AOPEP: variants seen among roughly 807,000 people sequenced by gnomAD.
The protein encoded by AOPEP is aminopeptidase O (putative).
In AOPEP, 77 loss-of-function variants were observed where a neutral mutation model predicts 98.1. That is an observed-to-expected ratio of 0.78 (90% CI 0.65 to 0.95). The LOEUF (loss-of-function observed/expected upper bound fraction) is 0.95. AOPEP is among the 40% of genes least tolerant of loss of function. The pLI is 0.00. For missense variants in AOPEP, 1,024 were observed against 1,024.7 expected, an observed-to-expected ratio of 1.00 and a Z score of 0.01; for synonymous variants, 346 against 365.3, an observed-to-expected ratio of 0.95 and a Z score of 0.60.
the AOPEP span, chr9:95,100,391 C>T: frequency 4.3e-6 from 1 of 231,262 alleles, no homozygotes; most frequent in Non-Finnish European, 8.6e-6. Context: ...TTGCCACATA[C>T]CAAAATAAGG....
At chr9:95,047,218 T>A (rs7048786) in intron 13 of AOPEP, among the ~76,000 whole-genome samples, 1 of 152,066 alleles carries the variant, frequency 6.6e-6, no homozygotes, top group African/African-American at 2.4e-5. Flanking sequence ...TTGAAAAATA[T>A]ACAGTTTGAA....
intron 3 of AOPEP, among the ~76,000 whole-genome samples, chr9:94,785,697 C>T (rs1844278845): frequency 6.6e-6 from 1 of 152,190 alleles, no homozygotes; most frequent in Non-Finnish European, 1.5e-5. Flanking sequence ...GGGTTTCTGG[C>T]CTCTGCAGAG....
At chr9:95,066,239 T>C (rs2067872464) in intron 14 of AOPEP, among the ~76,000 whole-genome samples, 1 of 152,222 alleles carries the variant, frequency 6.6e-6, no homozygotes, top group South Asian at 2.1e-4. Context: ...TAGGGTTTTC[T>C]TTCTGTTATT....
At chr9:94,873,514 C>CT (rs2046581375) in intron 5 of AOPEP, among the ~76,000 whole-genome samples, 1 of 152,106 alleles carries the variant, frequency 6.6e-6, no homozygotes, top group Non-Finnish European at 1.5e-5. Context: ...GGAGATAACT[C>CT]TGAGAAGGAG....
chr9:95,097,422 C>G, the AOPEP span, among the ~76,000 whole-genome samples: 4 of 152,168 alleles, frequency 2.6e-5, no homozygotes, highest in Non-Finnish European at 5.9e-5. Flanking sequence ...GCCTTTGACC[C>G]AGGCTCCTCC....
chr9:94,883,088 G>A (rs1386272850), intron 5 of AOPEP, among the ~76,000 whole-genome samples: 1 of 152,100 alleles, frequency 6.6e-6, no homozygotes, highest in African/African-American at 2.4e-5. Flanking sequence ...CAAGTCAGTG[G>A]AGCTTGGGAT....
the AOPEP span, chr9:95,099,253 T>C: frequency 4.6e-6 from 1 of 219,060 alleles, no homozygotes; most frequent in Admixed American, 5.8e-5. Context: ...AAAACTAAAC[T>C]ATCAGGGAGA....
chr9:94,855,989 G>A (rs551637171), intron 5 of AOPEP, among the ~76,000 whole-genome samples: 4 of 152,284 alleles, frequency 2.6e-5, no homozygotes, highest in Middle Eastern at 3.4e-3. Flanking sequence ...GGACTTATAC[G>A]TAGGTTTCTT....
chr9:94,747,203 C>T (rs1204957619), intron 1 of AOPEP, among the ~76,000 whole-genome samples: 1 of 152,138 alleles, frequency 6.6e-6, no homozygotes, highest in East Asian at 1.9e-4. Flanking sequence ...ATCTTATTTA[C>T]AGTTTGGCTT....
intron 5 of AOPEP, among the ~76,000 whole-genome samples, chr9:94,875,082 T>G (rs1452010779): frequency 6.6e-6 from 1 of 152,082 alleles, no homozygotes; most frequent in Non-Finnish European, 1.5e-5. Context: ...CATTAAGATT[T>G]TATTTATTAA....
At chr9:94,884,115 T>G (rs902510953) in intron 5 of AOPEP, among the ~76,000 whole-genome samples, 3 of 152,204 alleles carry the variant, frequency 2.0e-5, no homozygotes, top group African/African-American at 7.2e-5. Flanking sequence ...GTGTCTGTCC[T>G]CATCAGCACA....
At chr9:95,045,264 TC>T (rs2065744347) in intron 13 of AOPEP, among the ~76,000 whole-genome samples, 1 of 152,182 alleles carries the variant, frequency 6.6e-6, no homozygotes, top group Non-Finnish European at 1.5e-5. Context: ...CGGACCCGTG[TC>T]CCGGCAGTGC....
Position 95,085,033 on chromosome 9 carries a change from T to C in AOPEP, c.*5-1649T>C, listed in dbSNP as rs1335444052. On this transcript the variant is annotated intron_variant, in intron 16 of 16. Transcript: ENST00000375315. ...TTCCAAAGCTGCACTGGCATTTTTA[T>C]GGTCATCTCTGGAGTCCCTTTGATT... Among the ~76,000 whole-genome samples the C allele has an allele frequency of 2.0e-5, 3 of 152,260 alleles. No homozygotes were observed. The East Asian group carries it at 5.8e-4, about 29-fold the overall frequency.
chr9:95,113,011 G>A, the AOPEP span, among the ~76,000 whole-genome samples: 1 of 152,198 alleles, frequency 6.6e-6, no homozygotes, highest in Non-Finnish European at 1.5e-5. Context: ...CAATCACAGG[G>A]TGGGCTGTTT....
At chr9:94,968,879 C>T (rs533709379) in intron 10 of AOPEP, among the ~76,000 whole-genome samples, 19 of 152,290 alleles carry the variant, frequency 1.2e-4, no homozygotes, top group Non-Finnish European at 2.6e-4. Context: ...TGTTCAGCAT[C>T]ATCATGATAG....
chr9:94,861,396 A>C (rs2044963461), intron 5 of AOPEP, among the ~76,000 whole-genome samples: 1 of 152,186 alleles, frequency 6.6e-6, no homozygotes, highest in African/African-American at 2.4e-5. Context: ...AGAAACATAT[A>C]CTGGTTCTTT....
intron 1 of AOPEP, among the ~76,000 whole-genome samples, chr9:94,727,030 T>G (rs1829350077): frequency 6.6e-6 from 1 of 152,206 alleles, no homozygotes; most frequent in Non-Finnish European, 1.5e-5. Flanking sequence ...CAGACCTTTC[T>G]CAGCCTCTGG....
chr9:94,747,574 C>T (rs1834808194), intron 1 of AOPEP, among the ~76,000 whole-genome samples: 1 of 152,072 alleles, frequency 6.6e-6, no homozygotes, highest in African/African-American at 2.4e-5. Flanking sequence ...GGTTGAAATG[C>T]AAGAAACCAA....
At chr9:94,971,152 C>T (rs1156426265) in intron 10 of AOPEP, among the ~76,000 whole-genome samples, 4 of 152,110 alleles carry the variant, frequency 2.6e-5, no homozygotes, top group Non-Finnish European at 4.4e-5. Context: ...TTTATTGAGG[C>T]TGCACACTGA....
Sources: gnomAD v4.1 joint callset for allele counts (sites outside exome capture counted in the v4.1 genomes callset) on GRCh38, gnomAD v4.1.1 for gene constraint, MANE v1.5 for transcripts, NCBI Gene and HGNC (gene_info 2026-07-23, HGNC 2026-07-21) for gene names.